The following SMARCA2 variants were observed in gnomAD, a reference collection of about 807,000 sequenced individuals.
The protein encoded by SMARCA2 is SWI/SNF related BAF chromatin remodeling complex subunit ATPase 2.
A neutral mutation model predicts 199.8 loss-of-function variants in SMARCA2; 61 were observed. That is an observed-to-expected ratio of 0.31 (90% CI 0.25 to 0.38). The LOEUF is 0.38. SMARCA2 is among the 10% of genes least tolerant of loss of function. The probability of loss-of-function intolerance (pLI) is 1.00; values close to 1 mark genes in which losing one functional copy is unlikely to be tolerated. For missense variants in SMARCA2, 1,344 were observed against 2,012.2 expected (o/e 0.67, Z 6.35); for synonymous variants, 935 against 732.0 (o/e 1.28, Z -4.48).
At chr9:2,106,607 T>A (rs572168276) in intron 23 of SMARCA2, among the ~76,000 whole-genome samples, 4 of 152,130 alleles carry the variant, frequency 2.6e-5, no homozygotes, top group Non-Finnish European at 5.9e-5. Flanking sequence ...CTGTCCCCCA[T>A]CCCACCACCC....
chr9:2,146,178 G>A (rs1313664360), intron 27 of SMARCA2, among the ~76,000 whole-genome samples: 1 of 152,164 alleles, frequency 6.6e-6, no homozygotes, highest in Non-Finnish European at 1.5e-5. Context: ...CATAGACAGT[G>A]CCTTTTTGCT....
intron 24 of SMARCA2, among the ~76,000 whole-genome samples, chr9:2,114,969 G>A (rs983027381): frequency 6.6e-6 from 1 of 151,768 alleles, no homozygotes; most frequent in Non-Finnish European, 1.5e-5. Flanking sequence ...TAATTTTTAT[G>A]ATACTTTGTT....
intron 21 of SMARCA2, 122 bp downstream of exon 21, chr9:2,097,593 G>C (rs903713080): frequency 6.5e-6 from 4 of 611,570 alleles, no homozygotes; most frequent in Admixed American, 2.7e-5. Context: ...GGCGGAAGTT[G>C]AGATGACATG....
intron 27 of SMARCA2, among the ~76,000 whole-genome samples, chr9:2,127,204 G>A (rs1823733543): frequency 6.6e-6 from 1 of 151,968 alleles, no homozygotes; most frequent in African/African-American, 2.4e-5. Flanking sequence ...TAGTATTCTC[G>A]GTAGTTGCCA....
intron 8 of SMARCA2, among the ~76,000 whole-genome samples, chr9:2,059,641 G>GT (rs1366220242): frequency 6.6e-6 from 1 of 152,172 alleles, no homozygotes; most frequent in Non-Finnish European, 1.5e-5. Context: ...AGAAACTGAA[G>GT]TTTTTTATCA....
At chr9:2,186,987 G>C (rs1285573049) in intron 32 of SMARCA2, among the ~76,000 whole-genome samples, 1 of 152,210 alleles carries the variant, frequency 6.6e-6, no homozygotes, top group Non-Finnish European at 1.5e-5. Context: ...CTGTTGTGGG[G>C]CCTGAGAATC....
At chr9:2,100,115 G>C (rs1367044594) in intron 21 of SMARCA2, among the ~76,000 whole-genome samples, 2 of 152,256 alleles carry the variant, frequency 1.3e-5, no homozygotes, top group Non-Finnish European at 2.9e-5. Context: ...AGGGAAAGCA[G>C]AAAAGGGAGA....
At chr9:2,107,561 G>A (rs1486750685) in intron 23 of SMARCA2, among the ~76,000 whole-genome samples, 3 of 151,936 alleles carry the variant, frequency 2.0e-5, no homozygotes, top group Non-Finnish European at 4.4e-5. Context: ...CAGGTGATCC[G>A]CCCACCTTGG....
Position 2,055,858 on chromosome 9 carries a change from G to A in SMARCA2, c.1174-814G>A, listed in dbSNP as rs897595794. Among the ~76,000 whole-genome samples, 7 of 152,108 alleles carry A rather than the reference G, an allele frequency of 4.6e-5. No homozygotes were observed. In the East Asian group the frequency reaches 5.8e-4, roughly 13 times the overall value. On this transcript the variant is annotated intron_variant, in intron 6 of 33. Transcript: ENST00000349721. ...TGAATATTAACCAAGTATATTTTCC[G>A]GAATATGTTTATGTTCAAATTAGCG...
chr9:2,058,264 C>G (rs750765195), intron 7 of SMARCA2, 27 bp from the exon 8 acceptor site: 8 of 1,605,590 alleles, frequency 5.0e-6, no homozygotes, highest in African/African-American at 4.0e-5. Context: ...TTTAAGTATC[C>G]TTTTCTTCCC....
At position 2,123,999 on chromosome 9, in the gene SMARCA2, C is replaced by G; in HGVS notation, c.3981+62C>G. 2.2e-6 allele frequency: 3 copies of G among 1,342,890 alleles called. No homozygotes were observed. Among genetic ancestry groups the G allele is most frequent in the Non-Finnish European group, 2.1e-6 (2 of 958,826 alleles). The allele number at this position is 1,342,890 out of a possible 1,614,324, so 83.2% of individuals were successfully genotyped here. On this transcript the variant is annotated intron_variant, in intron 27 of 33. Transcript: ENST00000349721. This position sits in a 1 kb window ranked among gnomAD's most constrained non-coding sequence, Gnocchi z 4.1. ...GAGGGTTTTTGGTGGCTTGGAGAAA[C>G]CAGGGGCCTAGAGCTGGGATTTTCT...
intron 27 of SMARCA2, among the ~76,000 whole-genome samples, chr9:2,147,724 G>A (rs1824838273): frequency 6.7e-6 from 1 of 148,398 alleles, no homozygotes; most frequent in African/African-American, 2.4e-5. Flanking sequence ...GCGGGCACTT[G>A]TAATCCCAGC....
At chr9:2,152,152 C>T (rs773950815) in intron 27 of SMARCA2, among the ~76,000 whole-genome samples, 4 of 152,238 alleles carry the variant, frequency 2.6e-5, no homozygotes, top group East Asian at 1.9e-4. Context: ...AGGATGCTTC[C>T]GTGAAATTTC....
chr9:2,191,254 C>A lies in SMARCA2; in HGVS notation c.4595-12C>A. On this transcript the variant is annotated splice_polypyrimidine_tract_variant and intron_variant, in intron 32 of 33. Coordinates refer to ENST00000349721, the MANE Select transcript of SMARCA2 (RefSeq NM_003070.5). Reference sequence around the variant, plus strand: ...TACTCACTGGTGTCTATTTCATTTGCTTTGGTTTTAGCAAAATCAGTCAAG... The same window carrying A: ...TACTCACTGGTGTCTATTTCATTTGATTTGGTTTTAGCAAAATCAGTCAAG... 6.2e-7 allele frequency: 1 copy of A among 1,613,376 alleles called. No homozygotes were observed.
intron 29 of SMARCA2, among the ~76,000 whole-genome samples, chr9:2,172,721 G>T (rs1272496926): frequency 6.6e-6 from 1 of 152,120 alleles, no homozygotes; most frequent in African/African-American, 2.4e-5. Flanking sequence ...GTTTCAAGGA[G>T]GCCAACGGAG....
intron 28 of SMARCA2, among the ~76,000 whole-genome samples, chr9:2,163,295 G>A (rs768286466): frequency 6.6e-6 from 1 of 152,138 alleles, no homozygotes; most frequent in African/African-American, 2.4e-5. Context: ...AATAAATTAA[G>A]TTCATCCCCT....
chr9:2,093,639 A>T (rs778296137), intron 19 of SMARCA2, among the ~76,000 whole-genome samples: 13 of 152,232 alleles, frequency 8.5e-5, no homozygotes, highest in Non-Finnish European at 1.9e-4. Flanking sequence ...AAGGGCTTAA[A>T]AGGATTCTGC....
intron 29 of SMARCA2, among the ~76,000 whole-genome samples, chr9:2,180,436 G>A: frequency 6.6e-6 from 1 of 152,020 alleles, no homozygotes; most frequent in East Asian, 1.9e-4. Flanking sequence ...TATACAACTG[G>A]GACTGTGGAT....
chr9:2,049,389 C>G (rs747180194), intron 5 of SMARCA2, among the ~76,000 whole-genome samples: 5 of 152,096 alleles, frequency 3.3e-5, no homozygotes, highest in Admixed American at 6.5e-5. Context: ...TTGGCCTATT[C>G]CAATGTGTAA....
Sources: allele counts gnomAD v4.1 joint callset (sites outside exome capture counted in the v4.1 genomes callset), GRCh38; gene constraint gnomAD v4.1.1; non-coding constraint Gnocchi (gnomAD v3.1); transcripts MANE v1.5; gene names NCBI Gene and HGNC (gene_info 2026-07-23, HGNC 2026-07-21).